CCDC25: variants seen among roughly 807,000 people sequenced by gnomAD.
CCDC25 encodes coiled-coil domain-containing protein 25.
Under a neutral mutation model 35.3 loss-of-function variants are expected in CCDC25, and 16 were observed. The ratio of observed to expected loss-of-function variants is 0.45; its 90% CI spans 0.31 to 0.69. The LOEUF (loss-of-function observed/expected upper bound fraction) is 0.69. Ranked by LOEUF, CCDC25 falls within the 30% of genes least tolerant of loss-of-function variation. CCDC25 has a pLI of 0.06. For missense variants in CCDC25, 179 were observed against 250.7 expected, an observed-to-expected ratio of 0.71 and a Z score of 1.93; for synonymous variants, 79 against 80.3, an observed-to-expected ratio of 0.98 and a Z score of 0.09.
At chr8:27,769,898 T>C (rs1437731746) in intron 1 of CCDC25, among the ~76,000 whole-genome samples, 2 of 152,206 alleles carry the variant, frequency 1.3e-5, no homozygotes, top group African/African-American at 4.8e-5. Context: ...TCCTAGCACT[T>C]TGGAAGGCCG....
At position 27,752,811 on chromosome 8, in the gene CCDC25, T is replaced by A. The variant is rs1170774573; in HGVS notation, c.169-224A>T. 75 of 173,988 alleles carry A rather than the reference T, an allele frequency of 4.3e-4. No homozygotes were observed. Among genetic ancestry groups the A allele is most frequent in the South Asian group, 6.6e-4 (3 of 4,542 alleles). The allele number at this position is 173,988 out of a possible 1,614,324, so 10.8% of individuals were successfully genotyped here. A position where few individuals can be genotyped will look rare whatever the true frequency, so the allele number is the denominator to read the frequency against. ...TATGAAAATATTGACACTTAATAAG[T>A]AAAAAAAAAAAAAGCAAAAAAAAAC... On this transcript the variant is annotated intron_variant, in intron 4 of 8. Coordinates refer to ENST00000356537, the MANE Select transcript of CCDC25 (RefSeq NM_018246.3).
At chr8:27,765,636 AAAG>A (rs536944937) in intron 1 of CCDC25, among the ~76,000 whole-genome samples, 181 of 136,786 alleles carry the variant, frequency 1.3e-3, no homozygotes, top group East Asian at 7.7e-3. Context: ...GTTAAAAAAA[AAAG>A]AAAAGAAAAG....
At chr8:27,743,472 A>C (rs147113785) in intron 7 of CCDC25, among the ~76,000 whole-genome samples, 120 of 152,330 alleles carry the variant, frequency 7.9e-4, no homozygotes, top group African/African-American at 2.8e-3. Context: ...TGCTTCAGAC[A>C]TTTGGGACTT....
chr8:27,766,962 A>G (rs1232622731), intron 1 of CCDC25, among the ~76,000 whole-genome samples: 1 of 152,242 alleles, frequency 6.6e-6, no homozygotes, highest in Non-Finnish European at 1.5e-5. Flanking sequence ...TTTTTATATA[A>G]GCACATACTT....
At chr8:27,762,943 C>A (rs537230712) in intron 2 of CCDC25, among the ~76,000 whole-genome samples, 1 of 152,110 alleles carries the variant, frequency 6.6e-6, no homozygotes, top group South Asian at 2.1e-4. Context: ...TTCTATCACA[C>A]ATGGAAATAA....
intron 1 of CCDC25, among the ~76,000 whole-genome samples, chr8:27,767,835 AG>A (rs74832867): frequency 0.11 from 16,011 of 152,220 alleles, 939 homozygotes; most frequent in East Asian, 0.23. Context: ...CAAACGTTTC[AG>A]GAAAAAGGTG....
At chr8:27,742,741 C>T (rs550632149) in intron 7 of CCDC25, among the ~76,000 whole-genome samples, 79 of 152,168 alleles carry the variant, frequency 5.2e-4, no homozygotes, top group Non-Finnish European at 9.0e-4. Flanking sequence ...GTTGTGCATG[C>T]CTGTAATTTC....
intron 7 of CCDC25, among the ~76,000 whole-genome samples, chr8:27,743,055 A>G (rs1803493624): frequency 1.3e-5 from 2 of 152,114 alleles, no homozygotes; most frequent in African/African-American, 4.8e-5. Context: ...GTTCTTTCCC[A>G]GTGTTCTCCA....
rs2128940874 is a variant in CCDC25, at chr8:27,752,677, G to C, written c.169-90C>G. The C allele has an allele frequency of 2.4e-5, 22 of 905,680 alleles. No individual in the cohort carries two copies. In the South Asian group the frequency reaches 3.1e-4, roughly 13 times the overall value. 56.1% of individuals were successfully genotyped at this position (905,680 alleles called of 1,614,324 possible). A position where few individuals can be genotyped will look rare whatever the true frequency, so the allele number is the denominator to read the frequency against. Reference sequence around the variant, plus strand: ...AGGGCATTTGCTGCCTTACCTACTAGGCATGATTTTACTAAAAGCAGAGGT... The same window carrying C: ...AGGGCATTTGCTGCCTTACCTACTACGCATGATTTTACTAAAAGCAGAGGT... On this transcript the variant is annotated intron_variant, in intron 4 of 8. Transcript: ENST00000356537.
At chr8:27,759,779 C>CAAAAAA (rs77051762) in intron 3 of CCDC25, among the ~76,000 whole-genome samples, 3 of 91,266 alleles carry the variant, frequency 3.3e-5, no homozygotes, top group Non-Finnish European at 6.1e-5. Flanking sequence ...GACTCTGTCT[C>CAAAAAA]AAAAAAAAAA....
rs115091119 is a variant in CCDC25, at chr8:27,749,641, A to G, written c.245-1043T>C. Among the ~76,000 whole-genome samples the G allele has an allele frequency of 3.1e-3, 476 of 152,312 alleles. 2 individuals are homozygous for G. Among genetic ancestry groups the G allele is most frequent in the African/African-American group, 9.3e-3 (387 of 41,562 alleles). ...ACTAAAGAGAAGTAAATACAGCGCAAGTAAATACAGCACATGGCCCTGGAT... is the reference window on the plus strand; with the variant it reads ...ACTAAAGAGAAGTAAATACAGCGCAGGTAAATACAGCACATGGCCCTGGAT... On this transcript the variant is annotated intron_variant, in intron 5 of 8. Coordinates refer to ENST00000356537, the MANE Select transcript of CCDC25 (RefSeq NM_018246.3).
Position 27,752,548 on chromosome 8 carries a change from C to T in CCDC25, c.208G>A (p.Asp70Asn). 6.2e-7 allele frequency: 1 copy of T among 1,613,768 alleles called. No individual in the cohort carries two copies. Among genetic ancestry groups the T allele is most frequent in the South Asian group, 1.1e-5 (1 of 91,058 alleles). ...IEDIPKEVLMDCAHLVKANSI... is the reference protein window; with the variant it reads ...IEDIPKEVLMNCAHLVKANSI... The stretch of plus-strand genomic sequence containing the variant: ...TTGGCCTTCACAAGGTGGGCACAGT[C>T]CATCAGCACTTCCTTTGGGATGTCT... The change falls in exon 5 of 9, where the codon GAC (aspartate) becomes AAC (asparagine). Residue 70 changes from aspartate (D) to asparagine (N), a missense_variant. By Grantham distance (23) the Asp-to-Asn change is conservative (BLOSUM62 1). Transcript: ENST00000356537.
intron 1 of CCDC25, among the ~76,000 whole-genome samples, chr8:27,769,579 T>C (rs1804515735): frequency 6.6e-6 from 1 of 152,224 alleles, no homozygotes; most frequent in African/African-American, 2.4e-5. Context: ...TATAAGGGTA[T>C]ATGATTTTTC....
chr8:27,760,267 G>A (rs1804179576), intron 3 of CCDC25, among the ~76,000 whole-genome samples: 1 of 152,166 alleles, frequency 6.6e-6, no homozygotes, highest in South Asian at 2.1e-4. Flanking sequence ...ACAAATGAAA[G>A]TCAGGTAGAA....
At chr8:27,751,576 T>C (rs927724101) in intron 5 of CCDC25, among the ~76,000 whole-genome samples, 3 of 152,186 alleles carry the variant, frequency 2.0e-5, no homozygotes, top group African/African-American at 2.4e-5. Flanking sequence ...GTCCGCCCCA[T>C]GTTTATCTTC....
Position 27,733,688 on chromosome 8 carries a change from T to C in CCDC25, c.*2528A>G, listed in dbSNP as rs535293377. ...CTCAGTCACTCTAATATGATCATTT[T>C]GAATATGGAAATTTGTTATTTACAT... is the stretch of plus-strand genomic sequence containing the variant. On this transcript the variant is annotated 3_prime_UTR_variant, in exon 9 of 9. Coordinates refer to ENST00000356537, the MANE Select transcript of CCDC25 (RefSeq NM_018246.3). 3 of 152,338 alleles carry C rather than the reference T, an allele frequency of 2.0e-5. No homozygotes were observed. In the South Asian group the frequency reaches 6.2e-4, roughly 32 times the overall value. 9.4% of individuals were successfully genotyped at this position (152,338 alleles called of 1,614,324 possible).
In CCDC25 at chr8:27,735,941, C is replaced by T. The variant is rs892443988; in HGVS notation, c.*275G>A. ...TTAAAGTCTATCTCAAGAACAAGGG[C>T]AGCCTGCTTTCACAAGGTACCAAGA... On this transcript the variant is annotated 3_prime_UTR_variant, in exon 9 of 9. Transcript: ENST00000356537. The T allele has an allele frequency of 3.1e-6, 1 of 325,448 alleles. No homozygotes were observed. The highest frequency in any genetic ancestry group is 2.2e-5 in the African/African-American group (1 of 46,194). The allele number at this position is 325,448 out of a possible 1,614,324, so 20.2% of individuals were successfully genotyped here. A position where few individuals can be genotyped will look rare whatever the true frequency, so the allele number is the denominator to read the frequency against.
Position 27,772,618 on chromosome 8 carries a change from G to T in CCDC25, c.-78C>A, listed in dbSNP as rs1804673461. Reference sequence around the variant, plus strand: ...CGAAGCTCAGGATACCAGACTCGCGGCGGCCGCCTGGCCCCCGGAACTCCT... The same window carrying T: ...CGAAGCTCAGGATACCAGACTCGCGTCGGCCGCCTGGCCCCCGGAACTCCT... On this transcript the variant is annotated 5_prime_UTR_variant, in exon 1 of 9. Transcript: ENST00000356537. The T allele has an allele frequency of 6.9e-7, 1 of 1,452,152 alleles. No homozygotes were observed. Among genetic ancestry groups the T allele is most frequent in the African/African-American group, 1.4e-5 (1 of 71,076 alleles). 90.0% of individuals were successfully genotyped at this position (1,452,152 alleles called of 1,614,324 possible).
chr8:27,758,853 G>A (rs1804111214), intron 3 of CCDC25, among the ~76,000 whole-genome samples: 1 of 152,016 alleles, frequency 6.6e-6, no homozygotes, highest in Non-Finnish European at 1.5e-5. Context: ...AGTAGAGAAA[G>A]AACCAAAACA....
Sources: gnomAD v4.1 joint callset for allele counts (sites outside exome capture counted in the v4.1 genomes callset) on GRCh38, gnomAD v4.1.1 for gene constraint, MANE v1.5 for transcripts, NCBI Gene and HGNC (gene_info 2026-07-23, HGNC 2026-07-21) for gene names.